The following CDH2 variants were observed in gnomAD, a reference collection of about 807,000 sequenced individuals.
CDH2 encodes cadherin-2.
Under a neutral mutation model 92.0 loss-of-function variants are expected in CDH2, and 17 were observed. That is an observed-to-expected ratio of 0.18 (90% CI 0.13 to 0.28). The LOEUF is 0.28. CDH2 is among the 10% of genes least tolerant of loss of function. The pLI is 1.00. For synonymous variants in CDH2, 419 were observed against 415.9 expected, an observed-to-expected ratio of 1.01 and a Z score of -0.09; for missense variants, 862 against 1,133.1, an observed-to-expected ratio of 0.76 and a Z score of 3.44.
At chr18:28,065,911 C>T (rs1434150586) in intron 2 of CDH2, among the ~76,000 whole-genome samples, 1 of 152,108 alleles carries the variant, frequency 6.6e-6, no homozygotes, top group Admixed American at 6.6e-5. Flanking sequence ...TTGCACTCTC[C>T]CTGGGCTTTG....
At chr18:28,164,359 T>C (rs892176997) in intron 1 of CDH2, among the ~76,000 whole-genome samples, 5 of 152,218 alleles carry the variant, frequency 3.3e-5, no homozygotes, top group African/African-American at 1.2e-4. Context: ...AATGAGTTAA[T>C]ACATGTAAAG....
At chr18:28,080,934 G>A (rs1220674887) in intron 2 of CDH2, among the ~76,000 whole-genome samples, 1 of 152,182 alleles carries the variant, frequency 6.6e-6, no homozygotes, top group Non-Finnish European at 1.5e-5. Context: ...AGTTGTGCCT[G>A]AGTCAGCACC....
intron 7 of CDH2, among the ~76,000 whole-genome samples, chr18:27,995,969 G>A (rs1340684672): frequency 6.6e-6 from 1 of 152,134 alleles, no homozygotes; most frequent in African/African-American, 2.4e-5. Context: ...TGGGCATCTG[G>A]CTGTGAATGA....
chr18:28,141,714 T>C (rs954623242), intron 2 of CDH2, among the ~76,000 whole-genome samples: 1 of 151,982 alleles, frequency 6.6e-6, no homozygotes, highest in Admixed American at 6.6e-5. Context: ...AGTCAGATCA[T>C]GTTTTACCTC....
intron 2 of CDH2, among the ~76,000 whole-genome samples, chr18:28,102,801 T>TGAAATGG (rs1490774444): frequency 6.6e-6 from 1 of 151,840 alleles, no homozygotes; most frequent in Non-Finnish European, 1.5e-5. Flanking sequence ...TCTGAGAAAC[T>TGAAATGG]GAAATGGAAA....
intron 2 of CDH2, among the ~76,000 whole-genome samples, chr18:28,068,704 T>C (rs1235573230): frequency 6.6e-6 from 1 of 152,158 alleles, no homozygotes; most frequent in Non-Finnish European, 1.5e-5. Context: ...TGCTAGCAGA[T>C]TTAAGAGTAC....
intron 2 of CDH2, among the ~76,000 whole-genome samples, chr18:28,033,595 CATT>C (rs775093378): frequency 7.2e-5 from 11 of 152,032 alleles, no homozygotes; most frequent in Non-Finnish European, 1.3e-4. Context: ...AGAATTTCCC[CATT>C]TTCTGATCCC....
Position 28,176,948 on chromosome 18 carries a change from G to C in CDH2, c.60+15C>G. The C allele has an allele frequency of 3.1e-6, 4 of 1,305,694 alleles. No individual in the cohort carries two copies. The highest frequency in any genetic ancestry group is 3.9e-6 in the Non-Finnish European group (4 of 1,027,740). 80.9% of individuals were successfully genotyped at this position (1,305,694 alleles called of 1,614,324 possible). ...CACCCCGCCCGTGGCCCGGCCCGCG[G>C]GGACCGCCGCGTACCTGAAGCAGGG... On this transcript the variant is annotated intron_variant, in intron 1 of 15. Coordinates refer to ENST00000269141, the MANE Select transcript of CDH2 (RefSeq NM_001792.5).
chr18:28,001,449 A>T (rs1255659600), intron 7 of CDH2, among the ~76,000 whole-genome samples: 2 of 152,238 alleles, frequency 1.3e-5, no homozygotes, highest in African/African-American at 4.8e-5. Context: ...AACTAAATCT[A>T]CTTGGTATAT....
At chr18:27,962,696 G>T (rs1359218991) in intron 15 of CDH2, among the ~76,000 whole-genome samples, 1 of 152,212 alleles carries the variant, frequency 6.6e-6, no homozygotes, top group Non-Finnish European at 1.5e-5. Context: ...ATCAGAAGCA[G>T]CAGCACAAAT....
intron 2 of CDH2, among the ~76,000 whole-genome samples, chr18:28,138,465 C>T (rs2015900609): frequency 6.6e-6 from 1 of 152,064 alleles, no homozygotes; most frequent in South Asian, 2.1e-4. Context: ...TATCAAGACC[C>T]ACGAAGTATT....
chr18:27,962,787 A>G (rs1200117776), intron 15 of CDH2, among the ~76,000 whole-genome samples: 2 of 152,242 alleles, frequency 1.3e-5, no homozygotes, highest in South Asian at 2.1e-4. Context: ...AGTGAAAATC[A>G]TATCTGTTAT....
intron 2 of CDH2, among the ~76,000 whole-genome samples, chr18:28,067,370 C>G (rs17463233): frequency 6.6e-6 from 1 of 152,022 alleles, no homozygotes; most frequent in Admixed American, 6.6e-5. Flanking sequence ...TCCCATTCCA[C>G]TCACCCCTCT....
At chr18:27,940,098 GC>G (rs753003437) in intron 6 of CDH2, among the ~76,000 whole-genome samples, 15 of 152,072 alleles carry the variant, frequency 9.9e-5, no homozygotes, top group Non-Finnish European at 1.5e-4. Context: ...ACCTAATCTG[GC>G]TTCTTTCCCT....
At chr18:27,965,533 G>T (rs554818742) in intron 14 of CDH2, among the ~76,000 whole-genome samples, 1 of 152,324 alleles carries the variant, frequency 6.6e-6, no homozygotes, top group East Asian at 1.9e-4. Flanking sequence ...GCTTTCTCTT[G>T]TCAAGATGGA....
chr18:28,015,268 A>C (rs959627159), intron 2 of CDH2, among the ~76,000 whole-genome samples: 1 of 152,174 alleles, frequency 6.6e-6, no homozygotes, highest in African/African-American at 2.4e-5. Flanking sequence ...TAACTACTGA[A>C]TATATTATTT....
intron 2 of CDH2, among the ~76,000 whole-genome samples, chr18:28,063,976 G>A (rs2014455889): frequency 1.3e-5 from 2 of 152,088 alleles, no homozygotes; most frequent in South Asian, 4.1e-4. Context: ...CTTTAAGATC[G>A]ACTTAGACAC....
At chr18:28,091,282 C>T (rs1335774838) in intron 2 of CDH2, among the ~76,000 whole-genome samples, 1 of 152,132 alleles carries the variant, frequency 6.6e-6, no homozygotes, top group African/African-American at 2.4e-5. Flanking sequence ...CCTCATTTCC[C>T]CCCTCTGTTC....
At chr18:28,172,359 T>A (rs746211298) in intron 1 of CDH2, among the ~76,000 whole-genome samples, 1 of 152,164 alleles carries the variant, frequency 6.6e-6, no homozygotes, top group Non-Finnish European at 1.5e-5. Flanking sequence ...GCAGAAGATA[T>A]AGCTCTTACT....
Sources: gnomAD v4.1 joint callset for allele counts (sites outside exome capture counted in the v4.1 genomes callset) on GRCh38, gnomAD v4.1.1 for gene constraint, MANE v1.5 for transcripts, NCBI Gene and HGNC (gene_info 2026-07-23, HGNC 2026-07-21) for gene names.